The following NHSL1 variants were observed in gnomAD, a reference collection of about 807,000 sequenced individuals.
NHSL1 encodes NHS like 1, also known as NHS-like protein 1.
A neutral mutation model predicts 95.0 loss-of-function variants in NHSL1; 48 were observed. That is an observed-to-expected ratio of 0.51 (90% confidence interval 0.40 to 0.64). The LOEUF is 0.64. Ranked by LOEUF, NHSL1 falls within the 30% of genes least tolerant of loss-of-function variation. The probability of loss-of-function intolerance (pLI) is 0.00; values close to 1 mark genes in which losing one functional copy is unlikely to be tolerated. For synonymous variants in NHSL1, 783 were observed against 833.9 expected (o/e 0.94, Z 1.05); for missense variants, 1,971 against 2,077.7 (o/e 0.95, Z 1.00).
intron 2 of NHSL1, among the ~76,000 whole-genome samples, chr6:138,485,325 G>T (rs1301582366): frequency 6.6e-6 from 1 of 151,946 alleles, no homozygotes; most frequent in Non-Finnish European, 1.5e-5. Flanking sequence ...CAGCAGACTG[G>T]CTACAGACAC....
intron 3 of NHSL1, among the ~76,000 whole-genome samples, chr6:138,456,082 C>G (rs972594122): frequency 1.8e-4 from 28 of 152,214 alleles, no homozygotes; most frequent in African/African-American, 6.0e-4. Flanking sequence ...CACACCAACT[C>G]TCCAAGGTAG....
chr6:138,429,779 G>C lies in NHSL1; in HGVS notation c.4017C>G (p.Asp1339Glu). Residue 1339 changes from aspartate to glutamate, a missense_variant, in exon 7 of 8, where the codon GAC (aspartate) becomes GAG (glutamate). Asp to Glu is a conservative substitution (Grantham distance 45). Coordinates refer to ENST00000343505, the MANE Select transcript of NHSL1 (RefSeq NM_001144060.2). ...SSEACDFLKE[D>E]GNDEVMTPSR... ...TGGGGGTCATTACCTCATCATTCCC[G>C]TCTTCCTTGAGGAAGTCACAGGCCT... is the stretch of plus-strand genomic sequence containing the variant. 1 of 1,551,662 alleles carries C rather than the reference G, an allele frequency of 6.4e-7. No homozygotes were observed. The highest frequency in any genetic ancestry group is 8.7e-7 in the Non-Finnish European group (1 of 1,146,940).
intron 1 of NHSL1, among the ~76,000 whole-genome samples, chr6:138,579,566 C>T (rs138318369): frequency 1.7e-3 from 262 of 152,352 alleles, no homozygotes; most frequent in African/African-American, 4.9e-3. Context: ...GACATCTTCA[C>T]TGCTTCCATC....
chr6:138,531,249 T>C (rs1782120493), intron 1 of NHSL1, among the ~76,000 whole-genome samples: 1 of 152,234 alleles, frequency 6.6e-6, no homozygotes, highest in South Asian at 2.1e-4. Flanking sequence ...TTCATATTTT[T>C]AGTTTTCACC....
intron 3 of NHSL1, among the ~76,000 whole-genome samples, chr6:138,447,449 T>G (rs1324235133): frequency 1.3e-5 from 2 of 152,102 alleles, no homozygotes; most frequent in African/African-American, 4.8e-5. Flanking sequence ...TTGAAGTCCT[T>G]TCTGCTTTCC....
At chr6:138,525,461 G>C (rs74403968) in intron 1 of NHSL1, among the ~76,000 whole-genome samples, 1 of 151,534 alleles carries the variant, frequency 6.6e-6, no homozygotes, top group Non-Finnish European at 1.5e-5. Flanking sequence ...CCAGGAAGTC[G>C]AGGATGTAGT....
intron 1 of NHSL1, among the ~76,000 whole-genome samples, chr6:138,612,342 C>A (rs1486630625): frequency 6.6e-6 from 1 of 152,102 alleles, no homozygotes; most frequent in African/African-American, 2.4e-5. Flanking sequence ...ACCCAAAAAA[C>A]AAAGCCAGAA....
At chr6:138,427,699 C>T (rs1490766726) in intron 7 of NHSL1, among the ~76,000 whole-genome samples, 1 of 152,144 alleles carries the variant, frequency 6.6e-6, no homozygotes, top group Non-Finnish European at 1.5e-5. Flanking sequence ...CTACATTTTC[C>T]ATCTGGCTTT....
chr6:138,675,347 T>C (rs1785434463), intron 1 of NHSL1, among the ~76,000 whole-genome samples: 1 of 152,024 alleles, frequency 6.6e-6, no homozygotes, highest in Non-Finnish European at 1.5e-5. Flanking sequence ...GCCACCATGA[T>C]ACCACAGGAA....
chr6:138,673,740 T>A (rs1205199391), intron 1 of NHSL1, among the ~76,000 whole-genome samples: 2 of 152,372 alleles, frequency 1.3e-5, no homozygotes, highest in Non-Finnish European at 2.9e-5. Flanking sequence ...ATGTTTGACA[T>A]GTGAAGCTAC....
intron 1 of NHSL1, among the ~76,000 whole-genome samples, chr6:138,600,383 G>A (rs754375411): frequency 5.2e-4 from 79 of 152,154 alleles, no homozygotes; most frequent in Non-Finnish European, 9.6e-4. Context: ...ATAGGCATGA[G>A]CCTGGCAACC....
chr6:138,670,271 T>TA (rs1211645778), intron 1 of NHSL1, among the ~76,000 whole-genome samples: 1 of 150,374 alleles, frequency 6.7e-6, no homozygotes, highest in Non-Finnish European at 1.5e-5. Context: ...CTTACATGAA[T>TA]AGAGACAGCC....
At chr6:138,635,044 G>A (rs1784869858) in intron 1 of NHSL1, among the ~76,000 whole-genome samples, 1 of 150,492 alleles carries the variant, frequency 6.6e-6, no homozygotes, top group African/African-American at 2.4e-5. Context: ...GCAGTGCTAA[G>A]AGGAAAGTTT....
At chr6:138,633,236 T>G (rs1489324488) in intron 1 of NHSL1, among the ~76,000 whole-genome samples, 1 of 152,094 alleles carries the variant, frequency 6.6e-6, no homozygotes, top group Non-Finnish European at 1.5e-5. Flanking sequence ...TATATTGGCC[T>G]TAAAGAGGAG....
chr6:138,638,004 T>G (rs1374600315), intron 1 of NHSL1, among the ~76,000 whole-genome samples: 1 of 152,190 alleles, frequency 6.6e-6, no homozygotes, highest in African/African-American at 2.4e-5. Context: ...GTAGTACTTA[T>G]ACACAATGGA....
At chr6:138,459,860 A>C (rs1777877624) in intron 3 of NHSL1, among the ~76,000 whole-genome samples, 1 of 152,198 alleles carries the variant, frequency 6.6e-6, no homozygotes, top group African/African-American at 2.4e-5. Flanking sequence ...ATATATAATT[A>C]GATTACCTAG....
chr6:138,442,807 C>A (rs1176248155), intron 4 of NHSL1, among the ~76,000 whole-genome samples: 2 of 152,170 alleles, frequency 1.3e-5, no homozygotes, highest in African/African-American at 2.4e-5. Context: ...AGTGATTTTG[C>A]AATCAAACCT....
chr6:138,425,928 T>C (rs1436585779), intron 7 of NHSL1, among the ~76,000 whole-genome samples: 1 of 35,862 alleles, frequency 2.8e-5, no homozygotes, highest in African/African-American at 1.1e-4. Context: ...ATGTGAGGGG[T>C]GGGGTGGGGT....
intron 1 of NHSL1, among the ~76,000 whole-genome samples, chr6:138,679,951 A>G (rs1785492541): frequency 6.6e-6 from 1 of 152,186 alleles, no homozygotes; most frequent in Non-Finnish European, 1.5e-5. Flanking sequence ...ATTGGCCAAA[A>G]AAAGAGAGAA....
Sources: allele counts gnomAD v4.1 joint callset (sites outside exome capture counted in the v4.1 genomes callset), GRCh38; gene constraint gnomAD v4.1.1; transcripts MANE v1.5; gene names NCBI Gene and HGNC (gene_info 2026-07-23, HGNC 2026-07-21).